The following STOML3 variants were observed in gnomAD, a reference collection of about 807,000 sequenced individuals.
STOML3 encodes stomatin-like protein 3.
A neutral mutation model predicts 29.5 loss-of-function variants in STOML3; 31 were observed. The observed-to-expected ratio is 1.05, with a 90% CI of 0.79 to 1.42. STOML3 has a LOEUF of 1.42. STOML3 is among the 40% of genes most tolerant of loss of function. The pLI is 0.00. For missense variants in STOML3, 380 were observed against 363.0 expected (o/e 1.05, Z -0.38); for synonymous variants, 122 against 139.8 (o/e 0.87, Z 0.90).
At chr13:38,988,459 T>A (rs1868794987) in intron 1 of STOML3, among the ~76,000 whole-genome samples, 3 of 104,692 alleles carry the variant, frequency 2.9e-5, no homozygotes, top group South Asian at 6.5e-4. Context: ...TTTTATATCA[T>A]ATATTTTATA....
At chr13:38,971,815 C>T (rs1880878196) in intron 4 of STOML3, among the ~76,000 whole-genome samples, 1 of 152,098 alleles carries the variant, frequency 6.6e-6, no homozygotes, top group African/African-American at 2.4e-5. Context: ...ATCCCAGCTA[C>T]TTGGGAGGCT....
chr13:38,975,367 C>T (rs537902233), intron 3 of STOML3, among the ~76,000 whole-genome samples: 1 of 151,846 alleles, frequency 6.6e-6, no homozygotes, highest in South Asian at 2.1e-4. Context: ...GCCAAGAAGC[C>T]TCCTTCACAA....
Position 38,970,263 on chromosome 13 carries a change from G to A in STOML3, c.438C>T (p.Thr146=), listed in dbSNP as rs963112625. ...GTGTCCCTAAGACATTTCTCAGAGT[G>A]GTTTGAGCCAGCAGAAATGTTGCTT... is the stretch of plus-strand genomic sequence containing the variant. The part of the protein sequence containing the change: ...VHQATFLLAQ[T]TLRNVLGTQT... The change falls in exon 5 of 7, where the codon ACC becomes ACT. Residue 146 remains threonine (T), a synonymous_variant. Coordinates refer to ENST00000379631, the MANE Select transcript of STOML3 (RefSeq NM_145286.3). The A allele has an allele frequency of 6.2e-7, 1 of 1,614,186 alleles. No homozygotes were observed. The highest frequency in any genetic ancestry group is 8.5e-7 in the Non-Finnish European group (1 of 1,180,026).
At chr13:38,971,135 T>A (rs1263576258) in intron 4 of STOML3, among the ~76,000 whole-genome samples, 1 of 152,088 alleles carries the variant, frequency 6.6e-6, no homozygotes, top group Non-Finnish European at 1.5e-5. Context: ...CAGGTGCAAG[T>A]GACTCTCCTG....
intron 1 of STOML3, among the ~76,000 whole-genome samples, chr13:38,988,858 A>G (rs917212540): frequency 1.4e-5 from 2 of 143,604 alleles, no homozygotes; most frequent in Non-Finnish European, 3.0e-5. Context: ...TATATTATAT[A>G]TGCTGTATTA....
chr13:38,981,236 G>A (rs577814041), intron 1 of STOML3, among the ~76,000 whole-genome samples: 4 of 152,250 alleles, frequency 2.6e-5, no homozygotes, highest in East Asian at 3.9e-4. Flanking sequence ...ACAGTGGTGC[G>A]TGTCTACCTT....
rs144325419 is a variant in STOML3 at position 38,970,371 on chromosome 13, G to A, written c.330C>T (p.Ser110=). ...IPPQEILTRD[S]VTTQVDGVVY... The stretch of plus-strand genomic sequence containing the variant: ...CAACTCCATCTACCTGAGTAGTTAC[G>A]GAGTCTCTGGTGAGGATCTGTGGAG... The change falls in exon 5 of 7, where the codon TCC becomes TCT. Residue 110 remains serine, a synonymous_variant. Transcript: ENST00000379631. 5.0e-5 allele frequency: 81 copies of A among 1,613,934 alleles called. No individual in the cohort carries two copies. Among genetic ancestry groups the A allele is most frequent in the Non-Finnish European group, 6.5e-5 (77 of 1,179,968 alleles).
chr13:38,971,407 G>A lies in STOML3; in HGVS notation c.313-1019C>T, dbSNP rs553766394. ...GACATCATGTTTGAGTCCTGGTTGA[G>A]TTTCCTGAACCAGACAGAAGAAAAT... On this transcript the variant is annotated intron_variant, in intron 4 of 6. Coordinates refer to ENST00000379631, the MANE Select transcript of STOML3 (RefSeq NM_145286.3). 2.0e-5 allele frequency among the ~76,000 whole-genome samples: 3 copies of A among 152,244 alleles called. No homozygotes were observed. The South Asian group carries it at 6.2e-4, about 32-fold the overall frequency.
At chr13:38,985,754 G>A (rs1593508328) in intron 1 of STOML3, among the ~76,000 whole-genome samples, 1 of 151,380 alleles carries the variant, frequency 6.6e-6, no homozygotes, top group African/African-American at 2.4e-5. Context: ...AAATAATTAT[G>A]GTATGATGTT....
intron 1 of STOML3, among the ~76,000 whole-genome samples, chr13:38,990,065 T>G (rs1309871544): frequency 6.6e-6 from 1 of 152,172 alleles, no homozygotes; most frequent in South Asian, 2.1e-4. Context: ...TTGAAAGAGA[T>G]AATGCAAGCA....
At chr13:38,987,781 G>A (rs1483912084) in intron 1 of STOML3, among the ~76,000 whole-genome samples, 3 of 100,228 alleles carry the variant, frequency 3.0e-5, no homozygotes, top group Non-Finnish European at 5.5e-5. Flanking sequence ...ATACTATTGT[G>A]TATATATTAT....
chr13:38,967,624 T>C (rs1326501151), intron 6 of STOML3, among the ~76,000 whole-genome samples: 1 of 152,234 alleles, frequency 6.6e-6, no homozygotes, highest in Non-Finnish European at 1.5e-5. Flanking sequence ...GTGATTCAGC[T>C]GCCTCATCTG....
chr13:38,983,136 A>T (rs1021171069), intron 1 of STOML3, among the ~76,000 whole-genome samples: 2 of 152,170 alleles, frequency 1.3e-5, no homozygotes, highest in Non-Finnish European at 2.9e-5. Context: ...AAACTTTGAC[A>T]AATAAACCTC....
rs1368337863 is a variant in STOML3, at chr13:38,968,423, C to T, written c.628G>A (p.Ala210Thr). 1 of 1,614,150 alleles carries T rather than the reference C, an allele frequency of 6.2e-7. No individual in the cohort carries two copies. Reference protein sequence around the residue: ...LQRSMAAEAEATREARAKVLA... With the variant: ...LQRSMAAEAETTREARAKVLA... ...ACCTTGGCTCTCGCTTCCCGGGTGG[C>T]CTCAGCCTCGGCTGCCATGGATCTC... The change falls in exon 6 of 7, where the codon GCC becomes ACC. Residue 210 changes from alanine (A) to threonine (T), a missense_variant. Coordinates refer to ENST00000379631, the MANE Select transcript of STOML3 (RefSeq NM_145286.3).
At chr13:38,985,911 C>CTTTT (rs1170409048) in intron 1 of STOML3, among the ~76,000 whole-genome samples, 992 of 85,582 alleles carry the variant, frequency 0.012, 26 homozygotes, top group East Asian at 0.016. Context: ...TCTTTTCTTT[C>CTTTT]TTTTTTTTTT....
chr13:38,969,465 A>T (rs1880781031), intron 5 of STOML3, among the ~76,000 whole-genome samples: 1 of 152,220 alleles, frequency 6.6e-6, no homozygotes. Context: ...AACAATATGG[A>T]GAATTATCAT....
chr13:38,974,732 G>A lies in STOML3; in HGVS notation c.229+1808C>T, dbSNP rs1311634010. Among the ~76,000 whole-genome samples, 9 of 152,190 alleles carry A rather than the reference G, an allele frequency of 5.9e-5. No individual in the cohort carries two copies. In the South Asian group the frequency reaches 6.2e-4, roughly 11 times the overall value. On this transcript the variant is annotated intron_variant, in intron 3 of 6. Coordinates refer to ENST00000379631, the MANE Select transcript of STOML3 (RefSeq NM_145286.3). ...GGTAACTCATTAACCCCAGAGACAC[G>A]TATGACGAGAGTTGTTATCCTGAGA...
chr13:38,980,958 T>G (rs1007188259), intron 1 of STOML3, among the ~76,000 whole-genome samples: 1 of 152,176 alleles, frequency 6.6e-6, no homozygotes, highest in South Asian at 2.1e-4. Context: ...GACTTCCCCC[T>G]GTGTGTGGCT....
At position 38,988,095 on chromosome 13, in the gene STOML3, GTTATATTTTATATCATATATTTTATATA is replaced by G. The variant is rs1453472257; in HGVS notation, c.52+2547_52+2574del. ...ATATCATATATTTTATATATAATAT[GTTATATTTTATATCATATATTTTATATA>G]TTATATTTTATATCATATATTTTAT... On this transcript the variant is annotated intron_variant, in intron 1 of 6. Coordinates refer to ENST00000379631, the MANE Select transcript of STOML3 (RefSeq NM_145286.3). Among the ~76,000 whole-genome samples, 35 of 44,150 alleles carry G rather than the reference GTTATATTTTATATCATATATTTTATATA, an allele frequency of 7.9e-4. 1 individual carries two copies. The highest frequency in any genetic ancestry group is 4.5e-3 in the African/African-American group (29 of 6,464). The allele number at this position is 44,150 out of a possible 152,430, so 29.0% of individuals were successfully genotyped here.
Sources: allele counts gnomAD v4.1 joint callset (sites outside exome capture counted in the v4.1 genomes callset), GRCh38; gene constraint gnomAD v4.1.1; transcripts MANE v1.5; gene names NCBI Gene and HGNC (gene_info 2026-07-23, HGNC 2026-07-21).